The following ST6GALNAC3 variants were observed in gnomAD, a reference collection of about 807,000 sequenced individuals.
The protein encoded by ST6GALNAC3 is alpha-N-acetylgalactosaminide alpha-2,6-sialyltransferase 3.
Under a neutral mutation model 32.7 loss-of-function variants are expected in ST6GALNAC3, and 25 were observed. The observed-to-expected ratio is 0.76, with a 90% CI of 0.56 to 1.07. ST6GALNAC3 has a LOEUF of 1.07. ST6GALNAC3 is among the 50% of genes least tolerant of loss of function. The pLI is 0.00. For synonymous variants in ST6GALNAC3, 129 were observed against 133.1 expected (o/e 0.97, Z 0.21); for missense variants, 355 against 382.4 (o/e 0.93, Z 0.60).
At chr1:76,337,717 G>C (rs1312708159) in intron 2 of ST6GALNAC3, among the ~76,000 whole-genome samples, 1 of 152,114 alleles carries the variant, frequency 6.6e-6, no homozygotes, top group Non-Finnish European at 1.5e-5. Flanking sequence ...GAGAAGGCCT[G>C]CCCTAAACAA....
rs538353284 is a variant in ST6GALNAC3, at chr1:76,380,660, G to A, written c.214-31348G>A. ...ATGAGAAAGAATGAAATGTGGATGC[G>A]TCTCACAAAGATAATAACAGAAAAA... On this transcript the variant is annotated intron_variant, in intron 2 of 4. Transcript: ENST00000328299. Among the ~76,000 whole-genome samples the A allele has an allele frequency of 6.6e-5, 10 of 152,218 alleles. No individual in the cohort carries two copies. The South Asian group carries it at 8.3e-4, about 13-fold the overall frequency.
At chr1:76,502,774 G>A (rs911948717) in intron 3 of ST6GALNAC3, among the ~76,000 whole-genome samples, 7 of 152,210 alleles carry the variant, frequency 4.6e-5, no homozygotes, top group East Asian at 1.9e-4. Context: ...AGAAGAAACC[G>A]GGTAGTAGAG....
chr1:76,522,494 G>A (rs1662608203), intron 3 of ST6GALNAC3, among the ~76,000 whole-genome samples: 1 of 151,732 alleles, frequency 6.6e-6, no homozygotes. Flanking sequence ...GTTTCCACTT[G>A]GGTCTTTTCT....
intron 1 of ST6GALNAC3, among the ~76,000 whole-genome samples, chr1:76,106,349 A>G (rs1325759193): frequency 6.6e-6 from 1 of 152,146 alleles, no homozygotes; most frequent in Non-Finnish European, 1.5e-5. Flanking sequence ...GAGCTGAACC[A>G]TGTTGGTTGG....
At chr1:76,143,842 T>C (rs1207387909) in intron 1 of ST6GALNAC3, among the ~76,000 whole-genome samples, 1 of 152,072 alleles carries the variant, frequency 6.6e-6, no homozygotes, top group African/African-American at 2.4e-5. Context: ...GGCCTCACTA[T>C]TGAGAGGGGG....
intron 1 of ST6GALNAC3, among the ~76,000 whole-genome samples, chr1:76,088,400 A>G (rs1646992733): frequency 6.6e-6 from 1 of 152,238 alleles, no homozygotes. Flanking sequence ...TTGACTTGAA[A>G]TAAACTGAAC....
intron 1 of ST6GALNAC3, among the ~76,000 whole-genome samples, chr1:76,277,528 GTATATATATATATATATATATATATA>G (rs370795804): frequency 3.5e-5 from 3 of 84,598 alleles, no homozygotes; most frequent in Non-Finnish European, 6.5e-5. Context: ...ATGTTTATGT[GTATATATATATATATATATATATATA>G]TATATATATA....
At chr1:76,142,988 G>A (rs986487260) in intron 1 of ST6GALNAC3, 36 of 398,276 alleles carry the variant, frequency 9.0e-5, no homozygotes, top group Non-Finnish European at 1.5e-4. Flanking sequence ...AGCCAGAACC[G>A]GCAGAGGGCA....
chr1:76,264,640 A>C (rs555039214), intron 1 of ST6GALNAC3, among the ~76,000 whole-genome samples: 1 of 152,334 alleles, frequency 6.6e-6, no homozygotes, highest in African/African-American at 2.4e-5. Context: ...AAGAGTGCTG[A>C]GAATTCCTAG....
chr1:76,396,635 A>G (rs947143701), intron 2 of ST6GALNAC3, among the ~76,000 whole-genome samples: 8 of 152,184 alleles, frequency 5.3e-5, no homozygotes, highest in Non-Finnish European at 8.8e-5. Context: ...ATAAAAGCCA[A>G]TTAGGTCTTT....
intron 3 of ST6GALNAC3, among the ~76,000 whole-genome samples, chr1:76,419,807 C>T (rs1383346175): frequency 6.6e-6 from 1 of 152,108 alleles, no homozygotes; most frequent in Admixed American, 6.6e-5. Context: ...AAGAGCTCTA[C>T]AGATGTTTGC....
intron 1 of ST6GALNAC3, among the ~76,000 whole-genome samples, chr1:76,116,463 G>A (rs289690): frequency 0.061 from 9,286 of 152,162 alleles, 313 homozygotes; most frequent in African/African-American, 0.091. Context: ...AGGCAGCCAC[G>A]TTGTTTTAAG....
chr1:76,593,581 T>C (rs540678762), intron 3 of ST6GALNAC3, among the ~76,000 whole-genome samples: 4 of 152,160 alleles, frequency 2.6e-5, no homozygotes, highest in Non-Finnish European at 5.9e-5. Context: ...CTAAAGTGCT[T>C]TCATAAATTT....
Position 76,143,883 on chromosome 1 carries a change from T to C in ST6GALNAC3, c.18+68999T>C, listed in dbSNP as rs1479885701. Among the ~76,000 whole-genome samples, 5 of 152,274 alleles carry C rather than the reference T, an allele frequency of 3.3e-5. No homozygotes were observed. In the East Asian group the frequency reaches 5.8e-4, roughly 18 times the overall value. ...AGTTATGGGGAACAGTGGGCTCTAG[T>C]GCAGGACTGCTGGGGTCTTAAGCCC... On this transcript the variant is annotated intron_variant, in intron 1 of 4. Coordinates refer to ENST00000328299, the MANE Select transcript of ST6GALNAC3 (RefSeq NM_152996.4).
At chr1:76,360,991 T>G (rs1017999812) in intron 2 of ST6GALNAC3, among the ~76,000 whole-genome samples, 1 of 152,144 alleles carries the variant, frequency 6.6e-6, no homozygotes, top group African/African-American at 2.4e-5. Context: ...TTCATGGACC[T>G]CTGATTTCTC....
chr1:76,604,495 C>T (rs72680010), intron 3 of ST6GALNAC3, among the ~76,000 whole-genome samples: 6 of 152,320 alleles, frequency 3.9e-5, no homozygotes, highest in Non-Finnish European at 8.8e-5. Flanking sequence ...CAATGTTCAT[C>T]TCATTCTTTG....
intron 2 of ST6GALNAC3, among the ~76,000 whole-genome samples, chr1:76,377,893 G>C (rs969504932): frequency 6.6e-6 from 1 of 152,098 alleles, no homozygotes; most frequent in Admixed American, 6.5e-5. Flanking sequence ...GTGTCTACTG[G>C]GGTCGCAGGG....
chr1:76,627,430 T>C (rs776968644), intron 3 of ST6GALNAC3, 22 bp from the exon 4 acceptor site: 10 of 1,486,524 alleles, frequency 6.7e-6, no homozygotes, highest in Non-Finnish European at 2.8e-6. Flanking sequence ...TGTTTGTTAT[T>C]GTTTGTTTTC....
chr1:76,608,490 G>T (rs1165096208), intron 3 of ST6GALNAC3, among the ~76,000 whole-genome samples: 1 of 152,092 alleles, frequency 6.6e-6, no homozygotes, highest in African/African-American at 2.4e-5. Flanking sequence ...ACTAGGGAAT[G>T]CCCTGGTGAG....
Sources: allele counts gnomAD v4.1 joint callset (sites outside exome capture counted in the v4.1 genomes callset), GRCh38; gene constraint gnomAD v4.1.1; transcripts MANE v1.5; gene names NCBI Gene and HGNC (gene_info 2026-07-23, HGNC 2026-07-21).